Variants in STXBP5L observed in about 807,000 individuals in gnomAD.
STXBP5L encodes syntaxin binding protein 5L.
Under a neutral mutation model 144.5 loss-of-function variants are expected in STXBP5L, and 65 were observed. The observed-to-expected ratio is 0.45, with a 90% CI of 0.37 to 0.55. STXBP5L has a LOEUF of 0.55. Among genes scored for constraint, STXBP5L ranks in the 20% least tolerant of loss-of-function variants. The pLI is 0.00. For missense variants in STXBP5L, 1,298 were observed against 1,405.5 expected (o/e 0.92, Z 1.22); for synonymous variants, 505 against 469.6 (o/e 1.08, Z -0.97).
At chr3:121,345,002 G>A (rs2044896657) in intron 20 of STXBP5L, among the ~76,000 whole-genome samples, 2 of 151,036 alleles carry the variant, frequency 1.3e-5, no homozygotes, top group Non-Finnish European at 3.0e-5. Context: ...AAAAAAGTAA[G>A]TACAGAAAGC....
At chr3:120,926,937 C>CTTTTT (rs59336376) in intron 2 of STXBP5L, among the ~76,000 whole-genome samples, 1 of 134,082 alleles carries the variant, frequency 7.5e-6, no homozygotes, top group African/African-American at 2.7e-5. Flanking sequence ...TCTTTCCTTT[C>CTTTTT]TTTTTTTTTT....
At chr3:121,398,767 T>TA (rs2046798291) in intron 22 of STXBP5L, among the ~76,000 whole-genome samples, 1 of 152,180 alleles carries the variant, frequency 6.6e-6, no homozygotes, top group Non-Finnish European at 1.5e-5. Flanking sequence ...GGCCTTGATA[T>TA]AATCAACTAA....
chr3:120,956,495 A>G (rs1938053364), intron 3 of STXBP5L, among the ~76,000 whole-genome samples: 1 of 151,936 alleles, frequency 6.6e-6, no homozygotes, highest in South Asian at 2.1e-4. Flanking sequence ...ATGTTGAAGC[A>G]TATGTGAGAA....
chr3:121,252,171 G>A (rs974700276), intron 15 of STXBP5L, among the ~76,000 whole-genome samples: 6 of 152,024 alleles, frequency 3.9e-5, no homozygotes, highest in Non-Finnish European at 7.4e-5. Flanking sequence ...ACCAGCCTGG[G>A]CAACACGGTG....
chr3:121,160,388 T>C (rs2046277749), intron 9 of STXBP5L, among the ~76,000 whole-genome samples: 1 of 151,974 alleles, frequency 6.6e-6, no homozygotes, highest in South Asian at 2.1e-4. Flanking sequence ...ATCAAAAGTG[T>C]TCTGAGAAAA....
At chr3:121,146,204 A>G (rs1383316554) in intron 7 of STXBP5L, among the ~76,000 whole-genome samples, 1 of 152,056 alleles carries the variant, frequency 6.6e-6, no homozygotes, top group Non-Finnish European at 1.5e-5. Context: ...ATTCCTTCTT[A>G]TATAGCTATA....
chr3:121,230,006 T>C (rs2049252629), intron 11 of STXBP5L, among the ~76,000 whole-genome samples: 1 of 152,218 alleles, frequency 6.6e-6, no homozygotes, highest in African/African-American at 2.4e-5. Context: ...TCAGTTTTTA[T>C]CGTATTTGAA....
chr3:121,090,929 T>TC (rs1181583743), intron 5 of STXBP5L, among the ~76,000 whole-genome samples: 1 of 56,422 alleles, frequency 1.8e-5, no homozygotes, highest in Non-Finnish European at 3.0e-5. Context: ...CCCTCCCCCC[T>TC]CCCCCCACCC....
intron 3 of STXBP5L, among the ~76,000 whole-genome samples, chr3:121,004,977 A>T (rs929561016): frequency 6.6e-6 from 1 of 152,274 alleles, no homozygotes; most frequent in East Asian, 1.9e-4. Context: ...GGATTTTTGC[A>T]TCGATGTTCA....
At chr3:120,909,810 A>T (rs1708732955) in intron 2 of STXBP5L, 43 bp downstream of exon 2, 1 of 1,560,134 alleles carries the variant, frequency 6.4e-7, no homozygotes. Flanking sequence ...TCTTTATTAT[A>T]CTGTTGTAAG....
intron 6 of STXBP5L, 23 bp downstream of exon 6, chr3:121,115,082 C>T (rs758622341): frequency 5.0e-6 from 8 of 1,594,274 alleles, no homozygotes; most frequent in Admixed American, 1.8e-5. Context: ...TTGGATATCA[C>T]TTTATTGGCT....
At chr3:121,069,604 C>G (rs1269539788) in intron 5 of STXBP5L, among the ~76,000 whole-genome samples, 1 of 151,818 alleles carries the variant, frequency 6.6e-6, no homozygotes, top group African/African-American at 2.4e-5. Context: ...ATATTTCTAC[C>G]AGAAATATGT....
intron 23 of STXBP5L, among the ~76,000 whole-genome samples, chr3:121,410,925 T>C (rs2047101333): frequency 6.6e-6 from 1 of 152,072 alleles, no homozygotes; most frequent in African/African-American, 2.4e-5. Context: ...TTACTTGTTA[T>C]TATACAATAT....
intron 21 of STXBP5L, among the ~76,000 whole-genome samples, chr3:121,379,266 A>G (rs1268249651): frequency 6.6e-6 from 1 of 152,168 alleles, no homozygotes; most frequent in African/African-American, 2.4e-5. Flanking sequence ...TCAATTGTCA[A>G]ATGAATGTGA....
At chr3:120,971,505 ACTTTCTATTT>A (rs1315853234) in intron 3 of STXBP5L, among the ~76,000 whole-genome samples, 6 of 151,366 alleles carry the variant, frequency 4.0e-5, no homozygotes, top group East Asian at 3.9e-4. Flanking sequence ...GTGGTTTTTG[ACTTTCTATTT>A]CTTTCTATTT....
At chr3:121,213,682 G>C (rs2048667653) in intron 10 of STXBP5L, among the ~76,000 whole-genome samples, 1 of 151,994 alleles carries the variant, frequency 6.6e-6, no homozygotes, top group African/African-American at 2.4e-5. Flanking sequence ...TGTTGTTGTT[G>C]TTGTGTCTCT....
chr3:120,952,214 A>G (rs1486274958), intron 2 of STXBP5L, among the ~76,000 whole-genome samples: 1 of 151,914 alleles, frequency 6.6e-6, no homozygotes, highest in Admixed American at 6.6e-5. Context: ...TAGTTTGTCA[A>G]TTTTTGCAAA....
chr3:121,418,117 T>C (rs2108757637), intron 25 of STXBP5L, among the ~76,000 whole-genome samples: 1 of 152,324 alleles, frequency 6.6e-6, no homozygotes, highest in East Asian at 1.9e-4. Context: ...CACACACACA[T>C]ACAAAAGGCC....
At chr3:120,985,231 A>G (rs1258045961) in intron 3 of STXBP5L, among the ~76,000 whole-genome samples, 2 of 151,898 alleles carry the variant, frequency 1.3e-5, no homozygotes, top group Admixed American at 1.3e-4. Flanking sequence ...TTTGAGAAGG[A>G]TTGGTTTTAA....
Sources: allele counts gnomAD v4.1 joint callset (sites outside exome capture counted in the v4.1 genomes callset), GRCh38; gene constraint gnomAD v4.1.1; transcripts MANE v1.5; gene names NCBI Gene and HGNC (gene_info 2026-07-23, HGNC 2026-07-21).